Variants in TRERF1 observed in about 807,000 individuals in gnomAD.
The protein encoded by TRERF1 is transcriptional regulating factor 1, also known as transcriptional-regulating factor 1.
Under a neutral mutation model 122.9 loss-of-function variants are expected in TRERF1, and 27 were observed. The ratio of observed to expected loss-of-function variants is 0.22; its 90% CI spans 0.16 to 0.30. TRERF1 has a LOEUF of 0.30. TRERF1 is among the 10% of genes least tolerant of loss of function. The pLI, the probability that TRERF1 is intolerant of heterozygous loss-of-function variation, is 1.00. For missense variants in TRERF1, 1,248 were observed against 1,560.3 expected (o/e 0.80, Z 3.37); for synonymous variants, 636 against 641.7 (o/e 0.99, Z 0.13).
chr6:42,243,838 C>T (rs1337075570), intron 14 of TRERF1, among the ~76,000 whole-genome samples: 1 of 151,330 alleles, frequency 6.6e-6, no homozygotes, highest in Non-Finnish European at 1.5e-5. Context: ...CCTCGGCCTC[C>T]CAAAGCACTG....
At chr6:42,258,242 G>C (rs551071020) in intron 9 of TRERF1, 41 bp from the exon 10 acceptor site, 2 of 1,590,026 alleles carry the variant, frequency 1.3e-6, no homozygotes, top group Admixed American at 1.7e-5. Flanking sequence ...AACAGGGAAG[G>C]AATGTTGAAA....
chr6:42,273,186 C>T (rs1473762369), intron 4 of TRERF1, among the ~76,000 whole-genome samples: 1 of 152,038 alleles, frequency 6.6e-6, no homozygotes, highest in East Asian at 1.9e-4. Flanking sequence ...ATATTCCTTT[C>T]CTTTAGACTA....
rs552905350 is a variant in TRERF1 at position 42,390,603 on chromosome 6, G to A, written c.-453-27524C>T. 3.2e-4 allele frequency among the ~76,000 whole-genome samples: 49 copies of A among 152,288 alleles called. No individual in the cohort carries two copies. The South Asian group carries it at 4.1e-3, about 13-fold the overall frequency. On this transcript the variant is annotated intron_variant, in intron 2 of 17. Coordinates refer to ENST00000372922, the Ensembl canonical transcript of TRERF1. The stretch of plus-strand genomic sequence containing the variant: ...GTAAGGTTTCAGTGGGAGGCCGTCG[G>A]AGAGACCAGGATGAGGAGGCTCTGT...
intron 2 of TRERF1, among the ~76,000 whole-genome samples, chr6:42,378,196 G>A (rs2151111101): frequency 6.6e-6 from 1 of 152,214 alleles, no homozygotes. Flanking sequence ...TCCAAAGAAA[G>A]CCCAAGACCA....
At chr6:42,240,823 T>C (rs1198234420) in intron 15 of TRERF1, among the ~76,000 whole-genome samples, 1 of 152,246 alleles carries the variant, frequency 6.6e-6, no homozygotes, top group African/African-American at 2.4e-5. Context: ...TACATACACA[T>C]TGCTGTTTAC....
chr6:42,273,016 G>A (rs1054867462), intron 4 of TRERF1, among the ~76,000 whole-genome samples: 12 of 152,148 alleles, frequency 7.9e-5, no homozygotes, highest in African/African-American at 2.9e-4. Context: ...CAGGGCCTTT[G>A]TACATGATGC....
chr6:42,347,616 G>C (rs1472457120), intron 3 of TRERF1, among the ~76,000 whole-genome samples: 1 of 152,186 alleles, frequency 6.6e-6, no homozygotes, highest in African/African-American at 2.4e-5. Flanking sequence ...CAGCCACCGA[G>C]GCAAATACCA....
At chr6:42,296,463 GCT>G (rs373665326) in intron 4 of TRERF1, among the ~76,000 whole-genome samples, 138 of 152,304 alleles carry the variant, frequency 9.1e-4, no homozygotes, top group Non-Finnish European at 1.7e-3. Context: ...TGATATCCAA[GCT>G]CTGTGTTACA....
At chr6:42,396,665 CAACCTCTTCGAG>C (rs1469787917) in intron 2 of TRERF1, among the ~76,000 whole-genome samples, 26 of 152,328 alleles carry the variant, frequency 1.7e-4, no homozygotes, top group African/African-American at 6.0e-4. Context: ...GCAAGCTACT[CAACCTCTTCGAG>C]ATTTCTTGTC....
chr6:42,315,621 G>A (rs1026232437), intron 3 of TRERF1, among the ~76,000 whole-genome samples: 23 of 152,194 alleles, frequency 1.5e-4, no homozygotes, highest in African/African-American at 4.3e-4. Context: ...CAAATGAAGG[G>A]GGGCCATCGG....
chr6:42,433,572 C>T lies in TRERF1; in HGVS notation c.-454+17605G>A, dbSNP rs74507906. On this transcript the variant is annotated intron_variant, in intron 2 of 17. Coordinates refer to ENST00000372922, the Ensembl canonical transcript of TRERF1. ...CAAATAAAAAATATACCAGCCTTAA[C>T]TGAGCCTCTACATTTTCCACGGTAA... 1.9e-3 allele frequency among the ~76,000 whole-genome samples: 297 copies of T among 152,326 alleles called. 2 individuals are homozygous for T. In the East Asian group the frequency reaches 0.03, roughly 16 times the overall value.
intron 6 of TRERF1, 145 bp from the exon 7 acceptor site, chr6:42,264,999 G>A (rs1490666554): frequency 1.2e-6 from 1 of 862,526 alleles, no homozygotes; most frequent in Non-Finnish European, 1.7e-6. Flanking sequence ...TATCACCCCA[G>A]TGCCCTTTAG....
At chr6:42,349,109 G>C (rs1768898120) in intron 3 of TRERF1, among the ~76,000 whole-genome samples, 1 of 152,156 alleles carries the variant, frequency 6.6e-6, no homozygotes, top group Admixed American at 6.5e-5. Context: ...TACTTCCCCA[G>C]CTTCACTAAC....
At chr6:42,295,173 T>C (rs116393466) in intron 4 of TRERF1, among the ~76,000 whole-genome samples, 19 of 152,292 alleles carry the variant, frequency 1.2e-4, no homozygotes, top group African/African-American at 4.6e-4. Context: ...CTAGAAACCT[T>C]CACCCTTCTA....
chr6:42,359,676 A>C (rs141507030), intron 3 of TRERF1, among the ~76,000 whole-genome samples: 4,076 of 152,296 alleles, frequency 0.027, 196 homozygotes, highest in African/African-American at 0.094. Context: ...GTGAGCCGAG[A>C]TCGCACCACA....
intron 16 of TRERF1, 92 bp downstream of exon 16, chr6:42,236,113 A>G: frequency 6.8e-7 from 1 of 1,473,496 alleles, no homozygotes; most frequent in Non-Finnish European, 9.0e-7. Flanking sequence ...CTGTTGGAAG[A>G]GCACTCTCGA....
intron 17 of TRERF1, among the ~76,000 whole-genome samples, chr6:42,231,568 G>A (rs1416276001): frequency 6.6e-6 from 1 of 152,124 alleles, no homozygotes; most frequent in Non-Finnish European, 1.5e-5. Flanking sequence ...ATCTCTCCCA[G>A]GTAATACTCC....
chr6:42,309,099 A>AT (rs1033469448), intron 3 of TRERF1, among the ~76,000 whole-genome samples: 4 of 152,054 alleles, frequency 2.6e-5, no homozygotes, highest in Non-Finnish European at 4.4e-5. Flanking sequence ...CCAGGGACCT[A>AT]TTTTTTAAAA....
At chr6:42,280,721 C>T (rs1386154777) in intron 4 of TRERF1, among the ~76,000 whole-genome samples, 1 of 145,956 alleles carries the variant, frequency 6.9e-6, no homozygotes, top group Non-Finnish European at 1.5e-5. Context: ...GCTCTCGGGG[C>T]CCTTAGGAGG....
Sources: allele counts gnomAD v4.1 joint callset (sites outside exome capture counted in the v4.1 genomes callset), GRCh38; gene constraint gnomAD v4.1.1; transcripts MANE v1.5; gene names NCBI Gene and HGNC (gene_info 2026-07-23, HGNC 2026-07-21).